Variants in THSD7A observed in about 807,000 individuals in gnomAD.
THSD7A encodes thrombospondin type-1 domain-containing protein 7A.
In THSD7A, 96 loss-of-function variants were observed where a neutral mutation model predicts 231.3. The observed-to-expected ratio is 0.41, with a 90% confidence interval of 0.35 to 0.49. THSD7A has a LOEUF of 0.49. Among genes scored for constraint, THSD7A ranks in the 20% least tolerant of loss-of-function variants. The pLI is 0.05. For synonymous variants in THSD7A, 940 were observed against 743.3 expected (o/e 1.26, Z -4.30); for missense variants, 2,290 against 2,070.2 (o/e 1.11, Z -2.06).
At position 11,558,180 on chromosome 7, in the gene THSD7A, C is replaced by A. The variant is rs991529866; in HGVS notation, c.1454-15063G>T. Among the ~76,000 whole-genome samples the A allele has an allele frequency of 3.9e-5, 6 of 152,188 alleles. 2 individuals carry two copies. Among genetic ancestry groups the A allele is most frequent in the Admixed American group, 6.6e-5 (1 of 15,252 alleles). On this transcript the variant is annotated intron_variant, in intron 4 of 27. Coordinates refer to ENST00000423059, the MANE Select transcript of THSD7A (RefSeq NM_015204.3). Reference sequence around the variant, plus strand: ...AACTAATCACCTTGTCATTTTGGGCCTTGACATATCTAGCTTATCTGCCTT... The same window carrying A: ...AACTAATCACCTTGTCATTTTGGGCATTGACATATCTAGCTTATCTGCCTT...
intron 6 of THSD7A, among the ~76,000 whole-genome samples, chr7:11,485,325 A>G (rs1786608969): frequency 1.3e-5 from 2 of 152,134 alleles, no homozygotes; most frequent in South Asian, 4.1e-4. Context: ...GCAGGTATGT[A>G]AAACAAATTC....
At chr7:11,696,159 G>C (rs2128143263) in intron 1 of THSD7A, among the ~76,000 whole-genome samples, 1 of 151,530 alleles carries the variant, frequency 6.6e-6, no homozygotes, top group African/African-American at 2.4e-5. Flanking sequence ...TAGACACATT[G>C]TATTGGGATT....
intron 1 of THSD7A, among the ~76,000 whole-genome samples, chr7:11,816,010 C>T (rs6947930): frequency 0.34 from 51,019 of 151,744 alleles, 8,949 homozygotes; most frequent in East Asian, 0.47. Flanking sequence ...GTGTAAACTG[C>T]TTATCTTTCA....
intron 6 of THSD7A, among the ~76,000 whole-genome samples, chr7:11,504,738 C>T (rs1487762475): frequency 6.6e-6 from 1 of 152,034 alleles, no homozygotes; most frequent in East Asian, 1.9e-4. Context: ...ATTTGAGATT[C>T]AACTCAGTAA....
chr7:11,743,259 C>A (rs576754149), intron 1 of THSD7A, among the ~76,000 whole-genome samples: 2 of 151,798 alleles, frequency 1.3e-5, no homozygotes, highest in African/African-American at 4.8e-5. Flanking sequence ...TAGTTGAGGT[C>A]CTTAGAATGT....
At chr7:11,501,410 C>T (rs903271094) in intron 6 of THSD7A, among the ~76,000 whole-genome samples, 5 of 152,114 alleles carry the variant, frequency 3.3e-5, no homozygotes, top group African/African-American at 4.8e-5. Flanking sequence ...TGTAAAGGAA[C>T]CAAAATCACA....
intron 1 of THSD7A, among the ~76,000 whole-genome samples, chr7:11,816,286 A>C (rs1230991525): frequency 1.3e-5 from 2 of 152,198 alleles, no homozygotes; most frequent in Non-Finnish European, 2.9e-5. Flanking sequence ...ATAAAAGGTC[A>C]CTTAATTCAG....
chr7:11,704,522 C>G (rs1780702971), intron 1 of THSD7A, among the ~76,000 whole-genome samples: 1 of 150,676 alleles, frequency 6.6e-6, no homozygotes, highest in South Asian at 2.1e-4. Flanking sequence ...CAGGAAAGAG[C>G]CAGAGACTCT....
At chr7:11,706,655 T>A (rs1294456259) in intron 1 of THSD7A, among the ~76,000 whole-genome samples, 1 of 127,896 alleles carries the variant, frequency 7.8e-6, no homozygotes, top group African/African-American at 3.0e-5. Flanking sequence ...TTTTTTTTTT[T>A]AGAAATTATC....
At chr7:11,770,956 T>C (rs1783206642) in intron 1 of THSD7A, among the ~76,000 whole-genome samples, 1 of 151,592 alleles carries the variant, frequency 6.6e-6, no homozygotes, top group Non-Finnish European at 1.5e-5. Flanking sequence ...GCCTAATAAA[T>C]ATATAAAATT....
rs367664907 is a variant in THSD7A, at chr7:11,401,882, G to T, written c.4324C>A (p.Gln1442Lys). Residue 1442 changes from glutamine (Q) to lysine (K), a missense_variant, in exon 23 of 28, where the codon CAG becomes AAG. Transcript: ENST00000423059. ...ATAATCACCGGTCTGGATCTGACCT[G>T]TATTCCACCAAAGCCTAGATCCTCA... ...NGEDLGFGGI[Q>K]VRSRPVIIQE... is the part of the protein sequence containing the mutation. 3.2e-5 allele frequency: 51 copies of T among 1,613,742 alleles called. No homozygotes were observed. Among genetic ancestry groups the T allele is most frequent in the Non-Finnish European group, 7.6e-6 (9 of 1,179,842 alleles).
chr7:11,793,041 A>G (rs1314041864), intron 1 of THSD7A, among the ~76,000 whole-genome samples: 3 of 151,972 alleles, frequency 2.0e-5, no homozygotes, highest in African/African-American at 4.8e-5. Context: ...ATGATGGGAA[A>G]CAGAAAAAGT....
At chr7:11,560,495 C>A (rs186829198) in intron 4 of THSD7A, among the ~76,000 whole-genome samples, 1 of 152,234 alleles carries the variant, frequency 6.6e-6, no homozygotes, top group African/African-American at 2.4e-5. Flanking sequence ...AATATCAAAT[C>A]TTTCCTTCTA....
At chr7:11,755,036 T>C (rs551379133) in intron 1 of THSD7A, among the ~76,000 whole-genome samples, 5 of 152,188 alleles carry the variant, frequency 3.3e-5, no homozygotes, top group Non-Finnish European at 7.4e-5. Context: ...ACACAAATTA[T>C]ATACATGATC....
chr7:11,544,300 C>G (rs533370850), intron 4 of THSD7A, among the ~76,000 whole-genome samples: 53 of 152,224 alleles, frequency 3.5e-4, no homozygotes, highest in African/African-American at 1.2e-3. Context: ...TGAAATCATG[C>G]CACTGCACTC....
At chr7:11,699,636 C>A (rs1040605986) in intron 1 of THSD7A, among the ~76,000 whole-genome samples, 1 of 151,202 alleles carries the variant, frequency 6.6e-6, no homozygotes, top group Admixed American at 6.6e-5. Flanking sequence ...GAAAATGTGT[C>A]CTAAATAAAT....
rs1783593817 is a variant in THSD7A, at chr7:11,406,684, T to C, written c.4063-210A>G. 6.6e-6 allele frequency among the ~76,000 whole-genome samples: 1 copy of C among 152,202 alleles called. No homozygotes were observed. Among genetic ancestry groups the C allele is most frequent in the South Asian group, 2.1e-4 (1 of 4,826 alleles). ...CTAAAGACAGGAAAATAAATTTTCA[T>C]TAAAATGAATCAGTCTCCAAATGAT... is the stretch of plus-strand genomic sequence containing the variant. On this transcript the variant is annotated intron_variant, in intron 21 of 27. Transcript: ENST00000423059. The surrounding 1 kb of genome is among the most constrained non-coding windows in gnomAD (Gnocchi z 4.7).
intron 17 of THSD7A, among the ~76,000 whole-genome samples, chr7:11,414,452 C>T (rs1418707510): frequency 5.9e-5 from 9 of 152,170 alleles, no homozygotes; most frequent in South Asian, 2.1e-4. Context: ...CCACCCTGCT[C>T]AACACAAATT....
At position 11,371,291 on chromosome 7, in the gene THSD7A, C is replaced by G. The variant is rs1393582402; in HGVS notation, c.*4503G>C. ...ATTTGCTTGGCTCACACACCAGTTT[C>G]TGATACCTGAAATCCTGTCCTGCAG... On this transcript the variant is annotated 3_prime_UTR_variant, in exon 28 of 28. Coordinates refer to ENST00000423059, the MANE Select transcript of THSD7A (RefSeq NM_015204.3). The G allele has an allele frequency of 6.6e-6, 1 of 152,210 alleles. No homozygotes were observed. The highest frequency in any genetic ancestry group is 1.5e-5 in the Non-Finnish European group (1 of 68,052). The allele number at this position is 152,210 out of a possible 1,614,324, so 9.4% of individuals were successfully genotyped here.
Sources: gnomAD v4.1 joint callset for allele counts (sites outside exome capture counted in the v4.1 genomes callset) on GRCh38, gnomAD v4.1.1 for gene constraint, Gnocchi (gnomAD v3.1) non-coding constraint, MANE v1.5 for transcripts, NCBI Gene and HGNC (gene_info 2026-07-23, HGNC 2026-07-21) for gene names.